The following NLGN4X variants were observed in gnomAD, a reference collection of about 807,000 sequenced individuals.
NLGN4X encodes the protein neuroligin 4 X-linked.
In NLGN4X, 3 loss-of-function variants were observed where a neutral mutation model predicts 40.3. The ratio of observed to expected loss-of-function variants is 0.07; its 90% CI spans 0.03 to 0.19. The LOEUF (loss-of-function observed/expected upper bound fraction) is 0.19. Among genes scored for constraint, NLGN4X ranks in the 10% least tolerant of loss-of-function variants. The pLI, the probability that NLGN4X is intolerant of heterozygous loss-of-function variation, is 1.00. For missense variants in NLGN4X, 382 were observed against 708.3 expected, an observed-to-expected ratio of 0.54 and a Z score of 5.23; for synonymous variants, 270 against 306.8, an observed-to-expected ratio of 0.88 and a Z score of 1.25.
chrX:6,089,184 A>C (rs942232553), intron 2 of NLGN4X, among the ~76,000 whole-genome samples: 1 of 112,287 alleles, frequency 8.9e-6, no homozygotes, highest in Non-Finnish European at 1.9e-5. Context: ...TTATTATGCA[A>C]TTAAATTACA....
intron 2 of NLGN4X, among the ~76,000 whole-genome samples, chrX:6,108,012 T>C (rs1330005958): frequency 8.9e-6 from 1 of 112,085 alleles, no homozygotes; most frequent in South Asian, 3.7e-4. Flanking sequence ...TATTTCTCGT[T>C]CCTTCCCACA....
intron 2 of NLGN4X, among the ~76,000 whole-genome samples, chrX:6,103,795 G>T (rs1182121446): frequency 8.9e-6 from 1 of 111,966 alleles, no homozygotes; most frequent in Non-Finnish European, 1.9e-5. Context: ...TATCAAATTT[G>T]ATTTTAAAAC....
intron 2 of NLGN4X, among the ~76,000 whole-genome samples, chrX:6,035,379 C>T (rs111651760): frequency 0.04 from 4,437 of 111,252 alleles, 101 homozygotes; most frequent in East Asian, 0.11. Flanking sequence ...AAATCTTTCC[C>T]AATCCATGGC....
intron 3 of NLGN4X, among the ~76,000 whole-genome samples, chrX:5,994,914 T>C (rs1477891000): frequency 8.9e-6 from 1 of 112,795 alleles, no homozygotes; most frequent in Non-Finnish European, 1.9e-5. Context: ...GAAGGTGTAT[T>C]TACTTACACT....
At chrX:6,029,175 C>T in intron 3 of NLGN4X, 105 bp downstream of exon 3, 1 of 929,514 alleles carries the variant, frequency 1.1e-6, no homozygotes, top group Non-Finnish European at 1.6e-6. Context: ...TGGAATTAAC[C>T]AGGAACTGGA....
chrX:6,121,709 C>T (rs1425602954), intron 2 of NLGN4X, among the ~76,000 whole-genome samples: 2 of 112,261 alleles, frequency 1.8e-5, no homozygotes, highest in East Asian at 5.6e-4. Flanking sequence ...GTTCTCTATT[C>T]CTTTAATCAA....
intron 1 of NLGN4X, among the ~76,000 whole-genome samples, chrX:6,180,645 A>T (rs114791571): frequency 1.8e-5 from 2 of 111,396 alleles, no homozygotes; most frequent in African/African-American, 6.5e-5. Context: ...AATGCTGGGT[A>T]TGAGAGTTGA....
At position 5,893,199 on chromosome X, in the gene NLGN4X, A is replaced by G. The variant is rs1426581128; in HGVS notation, c.2069T>C (p.Ile690Thr). 8.3e-7 allele frequency: 1 copy of G among 1,211,154 alleles called. No individual in the cohort carries two copies. Among genetic ancestry groups the G allele is most frequent in the South Asian group, 1.8e-5 (1 of 56,947 alleles). ...AVGASLLFLN[I>T]LAFAALYYKK... ...GTAGTACAGCGCCGCAAAAGCTAAG[A>G]TGTTGAGGAAGAGGAGCGACGCCCC... The change falls in exon 6 of 6, where the codon ATC becomes ACC. Residue 690 changes from isoleucine (I) to threonine (T), a missense_variant. Around this residue, in one of 5 missense-constraint regions of NLGN4X, gnomAD observed 149 missense variants for 375.8 expected, o/e 0.40. Transcript: ENST00000381095.
At chrX:5,975,152 C>T (rs1002445040) in intron 3 of NLGN4X, among the ~76,000 whole-genome samples, 1 of 111,921 alleles carries the variant, frequency 8.9e-6, no homozygotes, top group Non-Finnish European at 1.9e-5. Context: ...TTCTGCAGAC[C>T]ATGGTTGACC....
intron 3 of NLGN4X, among the ~76,000 whole-genome samples, chrX:5,914,123 T>G (rs769608676): frequency 8.9e-6 from 1 of 112,244 alleles, no homozygotes; most frequent in Non-Finnish European, 1.9e-5. Flanking sequence ...TATGGTTATT[T>G]AGAAACAGGT....
intron 3 of NLGN4X, among the ~76,000 whole-genome samples, chrX:5,968,440 T>C (rs1033320595): frequency 3.0e-4 from 5 of 16,560 alleles, no homozygotes; most frequent in African/African-American, 9.9e-4. Flanking sequence ...TAAGTACCCC[T>C]CTCTCTCTCT....
chrX:6,088,655 A>C (rs1478783890), intron 2 of NLGN4X, among the ~76,000 whole-genome samples: 1 of 112,027 alleles, frequency 8.9e-6, no homozygotes, highest in Non-Finnish European at 1.9e-5. Flanking sequence ...TAAAACTAGA[A>C]AGAGAAAATA....
chrX:6,071,064 G>A (rs2038052427), intron 2 of NLGN4X, among the ~76,000 whole-genome samples: 1 of 111,476 alleles, frequency 9.0e-6, no homozygotes, highest in Non-Finnish European at 1.9e-5. Context: ...AGGAGGTTGA[G>A]GCTGCAGTGA....
rs5901308 is a variant in NLGN4X at position 6,001,683 on chromosome X, A to AT, written c.625+27596dup. On this transcript the variant is annotated intron_variant, in intron 3 of 5. Transcript: ENST00000381095. ...AGAGCCTGGGAGCTTATTCAGAGTC[A>AT]TTTTTTTTTTTTTTTAAATATGGAA... 7.5e-4 allele frequency among the ~76,000 whole-genome samples: 76 copies of AT among 101,882 alleles called. No individual in the cohort carries two copies. The East Asian group carries it at 0.01, about 14-fold the overall frequency. 88.5% of individuals were successfully genotyped at this position (101,882 alleles called of 115,157 possible). A position where few individuals can be genotyped will look rare whatever the true frequency, so the allele number is the denominator to read the frequency against.
At chrX:5,938,672 C>T (rs2033810689) in intron 3 of NLGN4X, among the ~76,000 whole-genome samples, 1 of 110,833 alleles carries the variant, frequency 9.0e-6, no homozygotes, top group Admixed American at 9.6e-5. Flanking sequence ...TAGTTTAAAG[C>T]GTTCAATTCT....
In NLGN4X at chrX:6,077,598, A is replaced by G. The variant is rs73627049; in HGVS notation, c.473-48166T>C. ...GCCACCATGCCCAGCCTAAAATTTC[A>G]TAGTTTTATACACCAAAATTATCTC... On this transcript the variant is annotated intron_variant, in intron 2 of 5. Coordinates refer to ENST00000381095, the MANE Select transcript of NLGN4X (RefSeq NM_181332.3). Among the ~76,000 whole-genome samples, 848 of 111,265 alleles carry G rather than the reference A, an allele frequency of 7.6e-3. 8 individuals carry two copies. Among genetic ancestry groups the G allele is most frequent in the African/African-American group, 0.026 (807 of 30,634 alleles).
intron 3 of NLGN4X, among the ~76,000 whole-genome samples, chrX:5,946,877 T>C (rs1422963385): frequency 9.0e-6 from 1 of 111,257 alleles, no homozygotes; most frequent in African/African-American, 3.3e-5. Flanking sequence ...TTCCCTACTA[T>C]GTGATCATGT....
chrX:6,178,970 T>C (rs185348944), intron 1 of NLGN4X, among the ~76,000 whole-genome samples: 1 of 109,755 alleles, frequency 9.1e-6, no homozygotes, highest in African/African-American at 3.3e-5. Context: ...TGGTGGTGCA[T>C]GCCTGTGGTC....
intron 1 of NLGN4X, among the ~76,000 whole-genome samples, chrX:6,153,011 A>G (rs2040196259): frequency 8.9e-6 from 1 of 112,738 alleles, no homozygotes; most frequent in South Asian, 3.6e-4. Flanking sequence ...AGGAATGGAC[A>G]TTATGTTGTT....
Sources: allele counts gnomAD v4.1 joint callset (sites outside exome capture counted in the v4.1 genomes callset), GRCh38; gene constraint gnomAD v4.1.1; regional missense constraint gnomAD v4.1.1; transcripts MANE v1.5; gene names NCBI Gene and HGNC (gene_info 2026-07-23, HGNC 2026-07-21).